Variants in DHRS7C observed in about 807,000 individuals in gnomAD.
DHRS7C encodes dehydrogenase/reductase 7C, also known as dehydrogenase/reductase SDR family member 7C.
A neutral mutation model predicts 29.6 loss-of-function variants in DHRS7C; 28 were observed. The ratio of observed to expected loss-of-function variants is 0.95; its 90% CI spans 0.70 to 1.30. The LOEUF (loss-of-function observed/expected upper bound fraction) is 1.30. DHRS7C is among the 50% of genes most tolerant of loss of function. The probability of loss-of-function intolerance (pLI) is 0.00; values close to 1 mark genes in which losing one functional copy is unlikely to be tolerated. For synonymous variants in DHRS7C, 158 were observed against 160.2 expected (o/e 0.99, Z 0.10); for missense variants, 403 against 393.3 (o/e 1.02, Z -0.21).
chr17:9,771,661 C>G lies in DHRS7C; in HGVS notation c.763G>C (p.Val255Leu). The change falls in exon 6 of 6, where the codon GTA becomes CTA. Residue 255 changes from valine (V) to leucine (L), a missense_variant. Coordinates refer to ENST00000571134, the MANE Select transcript of DHRS7C (RefSeq NM_001105571.3). Reference sequence around the variant, plus strand: ...CGCATCACCTCCTCCGCCACCTCTACTGGGTGCACGCCGTAGGTCAGCTTC... The same window carrying G: ...CGCATCACCTCCTCCGCCACCTCTAGTGGGTGCACGCCGTAGGTCAGCTTC... ...FRKLTYGVHP[V>L]EVAEEVMRTV... 6.4e-7 allele frequency: 1 copy of G among 1,574,036 alleles called. No homozygotes were observed. The highest frequency in any genetic ancestry group is 8.6e-7 in the Non-Finnish European group (1 of 1,157,906).
At chr17:9,790,171 GC>G in intron 1 of DHRS7C, among the ~76,000 whole-genome samples, 1 of 152,058 alleles carries the variant, frequency 6.6e-6, no homozygotes, top group Middle Eastern at 3.2e-3. Flanking sequence ...TAAGTGCCCA[GC>G]CCCCCAGAGG....
At chr17:9,780,562 A>C (rs878991441) in intron 2 of DHRS7C, among the ~76,000 whole-genome samples, 2 of 152,244 alleles carry the variant, frequency 1.3e-5, no homozygotes, top group Admixed American at 1.3e-4. Flanking sequence ...CTGCATCAAG[A>C]CTCTATTGAT....
chr17:9,790,639 A>G (rs1041380379), intron 1 of DHRS7C, among the ~76,000 whole-genome samples: 1 of 152,186 alleles, frequency 6.6e-6, no homozygotes. Flanking sequence ...TCTAAGTGCT[A>G]TCCATCTATG....
rs1229221173 is a variant in DHRS7C at position 9,775,152 on chromosome 17, A to T, written c.571+2041T>A. Among the ~76,000 whole-genome samples, 1 of 152,220 alleles carries T rather than the reference A, an allele frequency of 6.6e-6. No homozygotes were observed. Among genetic ancestry groups the T allele is most frequent in the Non-Finnish European group, 1.5e-5 (1 of 68,046 alleles). On this transcript the variant is annotated intron_variant, in intron 4 of 5. Coordinates refer to ENST00000571134, the MANE Select transcript of DHRS7C (RefSeq NM_001105571.3). This position sits in a 1 kb window ranked among gnomAD's most constrained non-coding sequence, Gnocchi z 4.2. ...CTTTAGGCATTCAAACACTTTGTTG[A>T]ATGAATGAAGGCATGAAGCAAGGAA... is the stretch of plus-strand genomic sequence containing the variant.
intron 1 of DHRS7C, among the ~76,000 whole-genome samples, chr17:9,782,579 T>C (rs2066399160): frequency 6.6e-6 from 1 of 152,180 alleles, no homozygotes; most frequent in Non-Finnish European, 1.5e-5. Flanking sequence ...GTGCATAGGC[T>C]GTGTAACTCC....
chr17:9,790,201 C>G (rs909685424), intron 1 of DHRS7C, among the ~76,000 whole-genome samples: 4 of 152,106 alleles, frequency 2.6e-5, no homozygotes, highest in African/African-American at 4.8e-5. Context: ...GGGCAATGCT[C>G]AGGACATAGT....
rs1016360542 is a variant in DHRS7C, at chr17:9,774,692, C to A, written c.572-1770G>T. 6.6e-6 allele frequency among the ~76,000 whole-genome samples: 1 copy of A among 152,110 alleles called. No homozygotes were observed. Among genetic ancestry groups the A allele is most frequent in the African/African-American group, 2.4e-5 (1 of 41,410 alleles). Reference sequence around the variant, plus strand: ...GTGTGCCAGGTTCTGAGCCTCAGAGCCCCCATCTCCTTGCCTGGGTGGATG... The same window carrying A: ...GTGTGCCAGGTTCTGAGCCTCAGAGACCCCATCTCCTTGCCTGGGTGGATG... On this transcript the variant is annotated intron_variant, in intron 4 of 5. Coordinates refer to ENST00000571134, the MANE Select transcript of DHRS7C (RefSeq NM_001105571.3). The surrounding 1 kb of genome is among the most constrained non-coding windows in gnomAD (Gnocchi z 5.0).
Position 9,774,839 on chromosome 17 carries a change from G to A in DHRS7C, c.572-1917C>T, listed in dbSNP as rs16958761. 0.04 allele frequency among the ~76,000 whole-genome samples: 6,125 copies of A among 152,252 alleles called. 170 individuals are homozygous for A. Among genetic ancestry groups the A allele is most frequent in the Non-Finnish European group, 0.061 (4,126 of 68,012 alleles). Reference sequence around the variant, plus strand: ...CAGCTCCTTGTGTCTTTCCAAAGCCGGATTCAGAGGAAGAAGAGAATTTGG... The same window carrying A: ...CAGCTCCTTGTGTCTTTCCAAAGCCAGATTCAGAGGAAGAAGAGAATTTGG... On this transcript the variant is annotated intron_variant, in intron 4 of 5. Coordinates refer to ENST00000571134, the MANE Select transcript of DHRS7C (RefSeq NM_001105571.3). This position sits in a 1 kb window ranked among gnomAD's most constrained non-coding sequence, Gnocchi z 5.0.
chr17:9,775,318 C>T lies in DHRS7C; in HGVS notation c.571+1875G>A, dbSNP rs2066355903. The stretch of plus-strand genomic sequence containing the variant: ...GACTGCTGTATGTGGCCCATTCACT[C>T]TGCCCTTCTTCCTGGGCCCCCAGGT... On this transcript the variant is annotated intron_variant, in intron 4 of 5. Coordinates refer to ENST00000571134, the MANE Select transcript of DHRS7C (RefSeq NM_001105571.3). This position sits in a 1 kb window ranked among gnomAD's most constrained non-coding sequence, Gnocchi z 4.2. Among the ~76,000 whole-genome samples the T allele has an allele frequency of 6.6e-6, 1 of 152,252 alleles. No homozygotes were observed. The highest frequency in any genetic ancestry group is 1.5e-5 in the Non-Finnish European group (1 of 68,052).
In DHRS7C at chr17:9,777,262, G is replaced by A. The variant is rs772325023; in HGVS notation, c.502C>T (p.Arg168Trp). 1.4e-5 allele frequency: 23 copies of A among 1,613,454 alleles called. No individual in the cohort carries two copies. The highest frequency in any genetic ancestry group is 4.5e-5 in the East Asian group (2 of 44,862). The part of the protein sequence containing the change: ...TKALLPNMIS[R>W]RTGQIVLVNN... ...ACTAACACGATTTGGCCTGTTCTCC[G>A]GGAGATCATGTTGGGAAGCAGGGCT... Residue 168 changes from arginine to tryptophan, a missense_variant, in exon 4 of 6, where the codon CGG becomes TGG. Physicochemically the swap from Arg to Trp is moderately radical, Grantham distance 101 (BLOSUM62 -3). Transcript: ENST00000571134.
chr17:9,789,641 T>G (rs2066443214), intron 1 of DHRS7C, among the ~76,000 whole-genome samples: 1 of 151,988 alleles, frequency 6.6e-6, no homozygotes, highest in Admixed American at 6.6e-5. Context: ...AAGGAGCAAT[T>G]AAGGTGTCAG....
intron 4 of DHRS7C, among the ~76,000 whole-genome samples, chr17:9,773,919 C>T (rs4791864): frequency 0.34 from 51,149 of 151,562 alleles, 10,307 homozygotes; most frequent in African/African-American, 0.57. Context: ...AATGGGGCTT[C>T]GCCATGTTGG....
intron 1 of DHRS7C, among the ~76,000 whole-genome samples, chr17:9,786,250 C>T (rs1345049340): frequency 1.3e-5 from 2 of 151,584 alleles, no homozygotes; most frequent in African/African-American, 2.4e-5. Context: ...TCGCTTGAAC[C>T]CGGGAGGCTG....
rs555473502 is a variant in DHRS7C, at chr17:9,774,040, C to T, written c.572-1118G>A. On this transcript the variant is annotated intron_variant, in intron 4 of 5. Coordinates refer to ENST00000571134, the MANE Select transcript of DHRS7C (RefSeq NM_001105571.3). The surrounding 1 kb of genome is among the most constrained non-coding windows in gnomAD (Gnocchi z 5.0). ...GCCCAGCAAAACCATGCACTTTAAA[C>T]GGATACATTGTGCGGTATGTGAATT... 2.0e-4 allele frequency among the ~76,000 whole-genome samples: 30 copies of T among 152,234 alleles called. No individual in the cohort carries two copies. Among genetic ancestry groups the T allele is most frequent in the Admixed American group, 1.3e-3 (20 of 15,288 alleles).
At chr17:9,779,782 T>G (rs949193538) in intron 3 of DHRS7C, 43 bp downstream of exon 3, 5 of 1,572,652 alleles carry the variant, frequency 3.2e-6, no homozygotes, top group Non-Finnish European at 4.3e-6. Flanking sequence ...CTCTGTAGAA[T>G]CTGGTGGCCC....
chr17:9,779,741 T>C (rs971730483), intron 3 of DHRS7C, 84 bp downstream of exon 3: 2 of 1,382,098 alleles, frequency 1.4e-6, no homozygotes, highest in South Asian at 1.3e-5. Flanking sequence ...CCATATAGAA[T>C]AGGATGACTG....
rs1267649108 is a variant in DHRS7C, at chr17:9,774,099, C to G, written c.572-1177G>C. Among the ~76,000 whole-genome samples, 1 of 152,198 alleles carries G rather than the reference C, an allele frequency of 6.6e-6. No individual in the cohort carries two copies. Among genetic ancestry groups the G allele is most frequent in the Admixed American group, 6.5e-5 (1 of 15,278 alleles). Reference sequence around the variant, plus strand: ...AATACAAGTGTTACCAAAAAAAGGTCTACCAGCTTGTTTTTCATTCATCCA... The same window carrying G: ...AATACAAGTGTTACCAAAAAAAGGTGTACCAGCTTGTTTTTCATTCATCCA... On this transcript the variant is annotated intron_variant, in intron 4 of 5. Coordinates refer to ENST00000571134, the MANE Select transcript of DHRS7C (RefSeq NM_001105571.3). The surrounding 1 kb of genome is among the most constrained non-coding windows in gnomAD (Gnocchi z 5.0).
At position 9,781,582 on chromosome 17, in the gene DHRS7C, A is replaced by G; in HGVS notation, c.167T>C (p.Val56Ala). Residue 56 changes from valine to alanine, a missense_variant, in exon 2 of 6, where the codon GTG (valine) becomes GCG (alanine). Transcript: ENST00000571134. The stretch of plus-strand genomic sequence containing the variant: ...CAGCCTTGCCCCACCTGTGTGGAAC[A>G]CCCGAGCACACTCTGTGGGGAAGAA... ...ISGLGKECAR[V>A]FHTGGARLVL... The G allele has an allele frequency of 6.2e-7, 1 of 1,613,742 alleles. No homozygotes were observed. Among genetic ancestry groups the G allele is most frequent in the South Asian group, 1.1e-5 (1 of 91,068 alleles).
At chr17:9,778,238 C>CA (rs201315471) in intron 3 of DHRS7C, among the ~76,000 whole-genome samples, 7,425 of 151,722 alleles carry the variant, frequency 0.049, 274 homozygotes, top group Admixed American at 0.088. Flanking sequence ...AAAAAAAATA[C>CA]AAAAAATTAC....
Sources: gnomAD v4.1 joint callset for allele counts (sites outside exome capture counted in the v4.1 genomes callset) on GRCh38, gnomAD v4.1.1 for gene constraint, Gnocchi (gnomAD v3.1) non-coding constraint, MANE v1.5 for transcripts, NCBI Gene and HGNC (gene_info 2026-07-23, HGNC 2026-07-21) for gene names.